The following ZNF804B variants were observed in gnomAD, a reference collection of about 807,000 sequenced individuals.
ZNF804B encodes zinc finger protein 804B.
A neutral mutation model predicts 101.4 loss-of-function variants in ZNF804B; 80 were observed. The observed-to-expected ratio is 0.79, with a 90% CI of 0.66 to 0.95. The LOEUF is 0.95. Ranked by LOEUF, ZNF804B falls within the 40% of genes least tolerant of loss-of-function variation. The pLI, the probability that ZNF804B is intolerant of heterozygous loss-of-function variation, is 0.00. For missense variants in ZNF804B, 1,673 were observed against 1,561.9 expected, an observed-to-expected ratio of 1.07 and a Z score of -1.20; for synonymous variants, 622 against 558.8, an observed-to-expected ratio of 1.11 and a Z score of -1.59.
chr7:89,099,086 T>TCACA (rs35368350), intron 1 of ZNF804B, among the ~76,000 whole-genome samples: 30 of 146,942 alleles, frequency 2.0e-4, no homozygotes, highest in African/African-American at 6.0e-4. Flanking sequence ...TAACATATAT[T>TCACA]CACACACACA....
intron 2 of ZNF804B, among the ~76,000 whole-genome samples, chr7:89,263,983 A>G (rs906371697): frequency 3.9e-5 from 6 of 152,224 alleles, no homozygotes; most frequent in Admixed American, 3.9e-4. Context: ...ATCTTCTTCT[A>G]TTAATACACA....
chr7:88,976,498 T>C (rs1584049571), intron 1 of ZNF804B, among the ~76,000 whole-genome samples: 1 of 151,616 alleles, frequency 6.6e-6, no homozygotes, highest in East Asian at 1.9e-4. Context: ...TATTTGTACT[T>C]ATTGTCAATG....
chr7:89,144,845 G>C (rs1584013387), intron 1 of ZNF804B, among the ~76,000 whole-genome samples: 1 of 151,920 alleles, frequency 6.6e-6, no homozygotes, highest in East Asian at 1.9e-4. Flanking sequence ...ATAAAATTTA[G>C]GCTGGGTGCC....
At chr7:88,954,667 T>TAA (rs1793276579) in intron 1 of ZNF804B, among the ~76,000 whole-genome samples, 1 of 151,690 alleles carries the variant, frequency 6.6e-6, no homozygotes, top group Non-Finnish European at 1.5e-5. Context: ...GGGCAACATT[T>TAA]AAAATGTGTG....
intron 1 of ZNF804B, among the ~76,000 whole-genome samples, chr7:89,014,330 T>C (rs2373832): frequency 0.14 from 21,376 of 152,106 alleles, 1,961 homozygotes; most frequent in East Asian, 0.29. Flanking sequence ...GTTGTTTTTT[T>C]AGATGGAGTC....
chr7:88,923,363 A>T (rs1299205268), intron 1 of ZNF804B, among the ~76,000 whole-genome samples: 1 of 152,164 alleles, frequency 6.6e-6, no homozygotes, highest in East Asian at 1.9e-4. Context: ...TCACTTAAAA[A>T]TTAAATTCAG....
chr7:89,302,269 T>C (rs1790487184), intron 2 of ZNF804B, among the ~76,000 whole-genome samples: 1 of 151,890 alleles, frequency 6.6e-6, no homozygotes, highest in African/African-American at 2.4e-5. Context: ...CTTGTACCTG[T>C]ATTAGAGTTA....
At chr7:89,227,542 T>C (rs1308094617) in intron 2 of ZNF804B, among the ~76,000 whole-genome samples, 2 of 152,202 alleles carry the variant, frequency 1.3e-5, no homozygotes, top group Non-Finnish European at 2.9e-5. Flanking sequence ...GGATATCAGA[T>C]GTTCTACATG....
chr7:88,794,763 T>C (rs1200006347), intron 1 of ZNF804B: 1 of 1,613,628 alleles, frequency 6.2e-7, no homozygotes, highest in Non-Finnish European at 8.5e-7. Flanking sequence ...CTTTTCTTTC[T>C]ACATTTGCTT....
At chr7:88,797,779 G>A (rs1050133099) in intron 1 of ZNF804B, among the ~76,000 whole-genome samples, 1 of 152,004 alleles carries the variant, frequency 6.6e-6, no homozygotes, top group African/African-American at 2.4e-5. Context: ...CTAACCCCAG[G>A]ATGTACTGTT....
chr7:88,922,626 TAC>T (rs571864304), intron 1 of ZNF804B, among the ~76,000 whole-genome samples: 242 of 84,090 alleles, frequency 2.9e-3, no homozygotes, highest in East Asian at 0.017. Context: ...TATATATATA[TAC>T]ACACACACTT....
At chr7:88,856,806 T>C (rs1444102051) in intron 1 of ZNF804B, among the ~76,000 whole-genome samples, 5 of 152,182 alleles carry the variant, frequency 3.3e-5, no homozygotes, top group Non-Finnish European at 7.3e-5. Flanking sequence ...ATTGAGAGTT[T>C]TTAGTATGAA....
chr7:88,952,682 A>G (rs1793243302), intron 1 of ZNF804B, among the ~76,000 whole-genome samples: 1 of 151,830 alleles, frequency 6.6e-6, no homozygotes, highest in Admixed American at 6.6e-5. Flanking sequence ...CTTGGAAAGT[A>G]CTAGAGCAAG....
chr7:89,250,291 A>C (rs576587123), intron 2 of ZNF804B, among the ~76,000 whole-genome samples: 40 of 152,268 alleles, frequency 2.6e-4, no homozygotes, highest in African/African-American at 9.6e-4. Context: ...AGACCCTCAG[A>C]TATTGTTATG....
At chr7:89,021,979 G>A (rs888856577) in intron 1 of ZNF804B, among the ~76,000 whole-genome samples, 2 of 152,298 alleles carry the variant, frequency 1.3e-5, no homozygotes, top group African/African-American at 4.8e-5. Flanking sequence ...GGCTTTCAAG[G>A]ACTGTGGGAT....
At chr7:89,261,004 A>G (rs149123462) in intron 2 of ZNF804B, among the ~76,000 whole-genome samples, 1 of 152,330 alleles carries the variant, frequency 6.6e-6, no homozygotes, top group Admixed American at 6.5e-5. Context: ...TTACTGCTAT[A>G]TGCAATTTAC....
At chr7:88,849,539 G>T (rs1791420645) in intron 1 of ZNF804B, among the ~76,000 whole-genome samples, 1 of 151,076 alleles carries the variant, frequency 6.6e-6, no homozygotes, top group Non-Finnish European at 1.5e-5. Context: ...TCACTCTGTT[G>T]CCTAGACTGG....
intron 1 of ZNF804B, among the ~76,000 whole-genome samples, chr7:89,180,744 G>T (rs1358434075): frequency 6.6e-6 from 1 of 151,294 alleles, no homozygotes; most frequent in Non-Finnish European, 1.5e-5. Flanking sequence ...TTAGGGAAAG[G>T]GTGATGCAAG....
chr7:89,201,029 T>G (rs559260866), intron 1 of ZNF804B, among the ~76,000 whole-genome samples: 31 of 152,082 alleles, frequency 2.0e-4, no homozygotes, highest in Non-Finnish European at 3.1e-4. Context: ...TCTGAGCTTT[T>G]GCTGACACTC....
Sources: allele counts gnomAD v4.1 joint callset (sites outside exome capture counted in the v4.1 genomes callset), GRCh38; gene constraint gnomAD v4.1.1; transcripts MANE v1.5; gene names NCBI Gene and HGNC (gene_info 2026-07-23, HGNC 2026-07-21).